Variants in KCNN1 observed in about 807,000 individuals in gnomAD.
The protein encoded by KCNN1 is potassium calcium-activated channel subfamily N member 1.
In KCNN1, 20 loss-of-function variants were observed where a neutral mutation model predicts 44.7. That is an observed-to-expected ratio of 0.45 (90% CI 0.32 to 0.65). The LOEUF (loss-of-function observed/expected upper bound fraction) is 0.65. KCNN1 is among the 30% of genes least tolerant of loss of function. KCNN1 has a pLI of 0.05. For synonymous variants in KCNN1, 324 were observed against 341.7 expected, an observed-to-expected ratio of 0.95 and a Z score of 0.57; for missense variants, 632 against 785.3, an observed-to-expected ratio of 0.80 and a Z score of 2.33.
intron 3 of KCNN1, among the ~76,000 whole-genome samples, chr19:17,977,439 T>G (rs1344393528): frequency 6.6e-6 from 1 of 151,810 alleles, no homozygotes; most frequent in African/African-American, 2.4e-5. Context: ...CATCCTGGGC[T>G]TACACAGTCC....
chr19:17,990,919 T>C lies in KCNN1; in HGVS notation c.1298+1076T>C, dbSNP rs113610832. ...GTAGCTCTAAATCCTTGGCTGCTCATTGAAGTCACCAGGGGGCTTTTTAAA... is the reference window on the plus strand; with the variant it reads ...GTAGCTCTAAATCCTTGGCTGCTCACTGAAGTCACCAGGGGGCTTTTTAAA... On this transcript the variant is annotated intron_variant, in intron 7 of 9. Coordinates refer to ENST00000684775, the MANE Select transcript of KCNN1 (RefSeq NM_001386974.1). Among the ~76,000 whole-genome samples, 135 of 152,294 alleles carry C rather than the reference T, an allele frequency of 8.9e-4. 1 individual carries two copies. The highest frequency in any genetic ancestry group is 2.9e-3 in the African/African-American group (119 of 41,568).
intron 9 of KCNN1, among the ~76,000 whole-genome samples, chr19:17,994,273 C>A (rs929375660): frequency 6.6e-6 from 1 of 151,670 alleles, no homozygotes; most frequent in Non-Finnish European, 1.5e-5. Context: ...AGAGAGACCC[C>A]ATCTGTACAA....
upstream of KCNN1, among the ~76,000 whole-genome samples, chr19:17,965,813 T>C (rs952756358): frequency 1.3e-5 from 2 of 152,114 alleles, no homozygotes; most frequent in African/African-American, 2.4e-5. Flanking sequence ...TATTTCCTGA[T>C]TGTCTCAGCC....
chr19:17,954,471 TAAGA>T (rs2031493174), intron 1 of KCNN1: 2 of 151,628 alleles, frequency 1.3e-5, no homozygotes, highest in Admixed American at 6.6e-5. Flanking sequence ...AAATAAAAAA[TAAGA>T]AAGACCACTG....
rs774227733 is a variant in KCNN1 at position 17,982,114 on chromosome 19, C to T, written c.904C>T (p.Arg302Cys). ...CTGGATCATCGCAGCCTGGACCGTG[C>T]GCGTCTGCGAGAGGTGCGACCGCCG... ...SSWIIAAWTV[R>C]VCERYHDKQE... Residue 302 changes from arginine (R) to cysteine (C), a missense_variant, in exon 4 of 10, where the codon CGC (arginine) becomes TGC (cysteine). Coordinates refer to ENST00000684775, the MANE Select transcript of KCNN1 (RefSeq NM_001386974.1). The T allele has an allele frequency of 4.1e-5, 65 of 1,569,196 alleles. No individual in the cohort carries two copies. The highest frequency in any genetic ancestry group is 4.9e-5 in the Non-Finnish European group (57 of 1,158,118).
chr19:17,974,076 C>T lies in KCNN1; in HGVS notation c.188C>T (p.Pro63Leu), dbSNP rs959943090. ...TCACCCGGCAGCCCCCGGGGGCAGC[C>T]CCAGGACCAGGACGATGACGAGGAT... ...RPSPGSPRGQ[P>L]QDQDDDEDDE... is the part of the protein sequence containing the mutation. The change falls in exon 2 of 10, where the codon CCC (proline) becomes CTC (leucine). Residue 63 changes from proline (P) to leucine (L), a missense_variant. Transcript: ENST00000684775. This position sits in a 1 kb window ranked among gnomAD's most constrained non-coding sequence, Gnocchi z 7.3. The T allele has an allele frequency of 2.5e-6, 4 of 1,611,670 alleles. No homozygotes were observed. The highest frequency in any genetic ancestry group is 3.4e-6 in the Non-Finnish European group (4 of 1,179,758).
In KCNN1 at chr19:17,973,660, C is replaced by T; in HGVS notation, c.-81-148C>T. On this transcript the variant is annotated intron_variant, in intron 1 of 9. Transcript: ENST00000684775. ...TGAGCAGGGGAGGGATTCAGGCTGA[C>T]TCAGATGTTTCTGGGATGGTAAACC... 16 of 897,424 alleles carry T rather than the reference C, an allele frequency of 1.8e-5. No individual in the cohort carries two copies. The South Asian group carries it at 3.1e-4, about 17-fold the overall frequency. The allele number at this position is 897,424 out of a possible 1,614,324, so 55.6% of individuals were successfully genotyped here.
Position 17,967,268 on chromosome 19 carries a change from G to A in KCNN1, c.-131G>A. 1 of 985,322 alleles carries A rather than the reference G, an allele frequency of 1.0e-6. No homozygotes were observed. Among genetic ancestry groups the A allele is most frequent in the African/African-American group, 1.7e-5 (1 of 57,288 alleles). 61.0% of individuals were successfully genotyped at this position (985,322 alleles called of 1,614,324 possible). On this transcript the variant is annotated 5_prime_UTR_variant, in exon 1 of 10. Coordinates refer to ENST00000684775, the MANE Select transcript of KCNN1 (RefSeq NM_001386974.1). ...CCGACTGGGGGTCCGCGGCCGCGCG[G>A]GACCCTCTCCCCTCCAGCCTTGTCC...
rs1313496166 is a variant in KCNN1 at position 17,975,144 on chromosome 19, T to C, written c.455T>C (p.Ile152Thr). ...TGCCTCATCAGCCTCTCCACGGCCA[T>C]CCTGCTGGGTCTCGTTGTCCTCTAC... ...LKCLISLSTAILLGLVVLYHA... is the reference protein window; with the variant it reads ...LKCLISLSTATLLGLVVLYHA... Residue 152 changes from isoleucine (I) to threonine (T), a missense_variant, in exon 3 of 10, where the codon ATC (isoleucine) becomes ACC (threonine). Transcript: ENST00000684775. 6.2e-7 allele frequency: 1 copy of C among 1,613,672 alleles called. No individual in the cohort carries two copies. The highest frequency in any genetic ancestry group is 1.1e-5 in the South Asian group (1 of 91,048).
At chr19:17,957,087 G>C (rs1359519379) in intron 2 of KCNN1, among the ~76,000 whole-genome samples, 1 of 139,374 alleles carries the variant, frequency 7.2e-6, no homozygotes, top group Non-Finnish European at 1.6e-5. Context: ...ACAAAAAACA[G>C]AGAAAGGGAG....
At chr19:17,996,166 CAAA>C (rs757072562) in intron 9 of KCNN1, among the ~76,000 whole-genome samples, 4 of 92,120 alleles carry the variant, frequency 4.3e-5, no homozygotes, top group African/African-American at 9.1e-5. Flanking sequence ...TCCATTGCTA[CAAA>C]AAAAAAAAAA....
intron 3 of KCNN1, among the ~76,000 whole-genome samples, chr19:17,979,689 G>A (rs2032332478): frequency 6.6e-6 from 1 of 152,064 alleles, no homozygotes; most frequent in Non-Finnish European, 1.5e-5. Context: ...GTACCCCATG[G>A]AGGGTGAGCA....
In KCNN1 at chr19:17,974,971, A is replaced by G; in HGVS notation, c.403-121A>G. ...CAGAAATTCAGGGTACAGTGGGAGA[A>G]GCCACTGGGAAGAGCCCCATTTAGC... On this transcript the variant is annotated intron_variant, in intron 2 of 9. Coordinates refer to ENST00000684775, the MANE Select transcript of KCNN1 (RefSeq NM_001386974.1). The surrounding 1 kb of genome is among the most constrained non-coding windows in gnomAD (Gnocchi z 7.3). 1 of 709,648 alleles carries G rather than the reference A, an allele frequency of 1.4e-6. No homozygotes were observed. The highest frequency in any genetic ancestry group is 1.6e-5 in the South Asian group (1 of 62,328). 44.0% of individuals were successfully genotyped at this position (709,648 alleles called of 1,614,324 possible). A position where few individuals can be genotyped will look rare whatever the true frequency, so the allele number is the denominator to read the frequency against.
Position 17,998,964 on chromosome 19 carries a change from C to G in KCNN1, c.*558C>G, listed in dbSNP as rs1205965672. The G allele has an allele frequency of 6.6e-6, 1 of 152,454 alleles. No individual in the cohort carries two copies. Among genetic ancestry groups the G allele is most frequent in the Admixed American group, 6.5e-5 (1 of 15,276 alleles). The allele number at this position is 152,454 out of a possible 1,614,324, so 9.4% of individuals were successfully genotyped here. A position where few individuals can be genotyped will look rare whatever the true frequency, so the allele number is the denominator to read the frequency against. ...ATGGCCCAGCCCTGGCCAGAAGCATCGCTCCCCTTCAACCAACCGCGTTGA... is the reference window on the plus strand; with the variant it reads ...ATGGCCCAGCCCTGGCCAGAAGCATGGCTCCCCTTCAACCAACCGCGTTGA... On this transcript the variant is annotated 3_prime_UTR_variant, in exon 10 of 10. Transcript: ENST00000684775. The surrounding 1 kb of genome is among the most constrained non-coding windows in gnomAD (Gnocchi z 5.4).
intron 9 of KCNN1, among the ~76,000 whole-genome samples, chr19:17,995,125 A>G (rs1016406710): frequency 2.6e-5 from 4 of 151,806 alleles, no homozygotes; most frequent in Non-Finnish European, 5.9e-5. Flanking sequence ...AGAGAATGCA[A>G]TCTAGCTTAA....
At chr19:17,992,568 T>A (rs1251680973) in intron 7 of KCNN1, among the ~76,000 whole-genome samples, 1 of 152,064 alleles carries the variant, frequency 6.6e-6, no homozygotes, top group Non-Finnish European at 1.5e-5. Context: ...GCCACTGCAC[T>A]CCCGCCTGGG....
intron 7 of KCNN1, among the ~76,000 whole-genome samples, chr19:17,990,633 T>C (rs997925239): frequency 6.6e-6 from 1 of 151,008 alleles, no homozygotes; most frequent in Non-Finnish European, 1.5e-5. Flanking sequence ...ACCTCGTCTC[T>C]ACTAAAAATA....
intron 2 of KCNN1, among the ~76,000 whole-genome samples, chr19:17,957,333 A>G (rs1568444055): frequency 4.6e-5 from 7 of 150,900 alleles, no homozygotes; most frequent in Non-Finnish European, 8.9e-5. Context: ...AAGGAAGGAA[A>G]GAAGGAAGGA....
intron 7 of KCNN1, among the ~76,000 whole-genome samples, chr19:17,992,734 CG>C (rs1339260228): frequency 1.3e-5 from 2 of 152,190 alleles, no homozygotes; most frequent in African/African-American, 4.8e-5. Flanking sequence ...CAAATCCTGC[CG>C]GGGTGCGGAT....
Sources: allele counts gnomAD v4.1 joint callset (sites outside exome capture counted in the v4.1 genomes callset), GRCh38; gene constraint gnomAD v4.1.1; non-coding constraint Gnocchi (gnomAD v3.1); transcripts MANE v1.5; gene names NCBI Gene and HGNC (gene_info 2026-07-23, HGNC 2026-07-21).